Variants in ASCC3 observed in about 807,000 individuals in gnomAD.
ASCC3 encodes ASC-1 complex subunit P200.
In ASCC3, 158 loss-of-function variants were observed where a neutral mutation model predicts 256.3. That is an observed-to-expected ratio of 0.62 (90% CI 0.54 to 0.70). The LOEUF is 0.70. Ranked by LOEUF, ASCC3 falls within the 30% of genes least tolerant of loss-of-function variation. The probability of loss-of-function intolerance (pLI) is 0.00; values close to 1 mark genes in which losing one functional copy is unlikely to be tolerated. For missense variants in ASCC3, 2,259 were observed against 2,626.0 expected (o/e 0.86, Z 3.05); for synonymous variants, 948 against 883.4 (o/e 1.07, Z -1.30).
chr6:100,839,284 A>G (rs1769499974), intron 4 of ASCC3, among the ~76,000 whole-genome samples: 1 of 152,260 alleles, frequency 6.6e-6, no homozygotes, highest in East Asian at 1.9e-4. Flanking sequence ...TATGTCCCCA[A>G]ACTTAAAAGT....
chr6:100,680,681 A>G (rs185550252), intron 13 of ASCC3, among the ~76,000 whole-genome samples: 190 of 152,330 alleles, frequency 1.2e-3, no homozygotes, highest in African/African-American at 4.5e-3. Flanking sequence ...CTTAAAGACA[A>G]GTTCCCCTAG....
intron 12 of ASCC3, among the ~76,000 whole-genome samples, chr6:100,717,269 T>C (rs1779129468): frequency 6.6e-6 from 1 of 151,986 alleles, no homozygotes; most frequent in Non-Finnish European, 1.5e-5. Context: ...ATTTTACTAA[T>C]GAAATTGTTT....
chr6:100,709,962 C>G (rs776912168), intron 13 of ASCC3, among the ~76,000 whole-genome samples: 2 of 152,072 alleles, frequency 1.3e-5, no homozygotes, highest in Non-Finnish European at 2.9e-5. Context: ...CCCACTCTTA[C>G]GGAAAACGAA....
intron 32 of ASCC3, among the ~76,000 whole-genome samples, chr6:100,605,953 T>C (rs1772863297): frequency 6.6e-6 from 1 of 152,036 alleles, no homozygotes. Context: ...TTAACATTTA[T>C]AGATGTAAGA....
chr6:100,808,270 T>C (rs1770287800), intron 4 of ASCC3, among the ~76,000 whole-genome samples: 1 of 130,244 alleles, frequency 7.7e-6, no homozygotes, highest in Admixed American at 7.8e-5. Flanking sequence ...TATGATGTTA[T>C]AAAATTATAC....
Position 100,615,557 on chromosome 6 carries a change from TA to T in ASCC3, c.4786-8470del, listed in dbSNP as rs372637520. Among the ~76,000 whole-genome samples the T allele has an allele frequency of 2.6e-4, 40 of 152,310 alleles. No homozygotes were observed. The East Asian group carries it at 7.7e-3, about 29-fold the overall frequency. On this transcript the variant is annotated intron_variant, in intron 30 of 41. Transcript: ENST00000369162. Reference sequence around the variant, plus strand: ...AAAACTACCCTTTGAGAATTCATGATAAAATGTGATAATATAAACTTTAATG... The same window carrying T: ...AAAACTACCCTTTGAGAATTCATGATAAATGTGATAATATAAACTTTAATG...
intron 8 of ASCC3, among the ~76,000 whole-genome samples, chr6:100,776,833 G>C (rs538862664): frequency 6.6e-6 from 1 of 151,948 alleles, no homozygotes; most frequent in Non-Finnish European, 1.5e-5. Context: ...AATATCATAA[G>C]CTTAAGTTTA....
chr6:100,540,567 C>T (rs780166594), intron 36 of ASCC3, among the ~76,000 whole-genome samples, 180 bp from the exon 37 acceptor site: 8 of 152,038 alleles, frequency 5.3e-5, no homozygotes, highest in African/African-American at 1.2e-4. Flanking sequence ...TAGTGAATAA[C>T]GTACAATCTG....
In ASCC3 at chr6:100,758,089, A is replaced by G. The variant is rs527585391; in HGVS notation, c.1737+8476T>C. Among the ~76,000 whole-genome samples the G allele has an allele frequency of 1.3e-3, 196 of 152,258 alleles. 1 individual carries two copies. The highest frequency in any genetic ancestry group is 3.4e-3 in the Middle Eastern group (1 of 294). On this transcript the variant is annotated intron_variant, in intron 10 of 41. Coordinates refer to ENST00000369162, the MANE Select transcript of ASCC3 (RefSeq NM_006828.4). The stretch of plus-strand genomic sequence containing the variant: ...GGAGATTTAAATAGGAAGCCCTCTG[A>G]TATCATAATACTCAAAAAGTCCAGG...
At chr6:100,561,267 CT>C (rs1342658802) in intron 36 of ASCC3, among the ~76,000 whole-genome samples, 1 of 152,042 alleles carries the variant, frequency 6.6e-6, no homozygotes, top group Non-Finnish European at 1.5e-5. Flanking sequence ...AGCCTCAGGA[CT>C]TTTAAAGAGC....
chr6:100,511,867 T>C (rs1433197552), intron 40 of ASCC3, among the ~76,000 whole-genome samples: 1 of 152,130 alleles, frequency 6.6e-6, no homozygotes, highest in Non-Finnish European at 1.5e-5. Context: ...TTACTGATCA[T>C]TTTGTGTGTG....
Position 100,581,865 on chromosome 6 carries a change from C to G in ASCC3, c.5550+7769G>C, listed in dbSNP as rs1481089960. On this transcript the variant is annotated intron_variant, in intron 36 of 41. Coordinates refer to ENST00000369162, the MANE Select transcript of ASCC3 (RefSeq NM_006828.4). ...AATCCTTTCCCCATTGCTTGTTTTT[C>G]TCAGGTTTGTCAAAGATCAGATAGT... Among the ~76,000 whole-genome samples, 226 of 150,466 alleles carry G rather than the reference C, an allele frequency of 1.5e-3. 2 individuals are homozygous for G. Among genetic ancestry groups the G allele is most frequent in the African/African-American group, 5.2e-3 (212 of 41,090 alleles).
At chr6:100,859,297 TTC>T (rs1424261069) in intron 3 of ASCC3, 2 of 773,346 alleles carry the variant, frequency 2.6e-6, no homozygotes, top group Non-Finnish European at 4.8e-6. Context: ...CTTTGATAAC[TTC>T]TCTGATATAG....
intron 5 of ASCC3, among the ~76,000 whole-genome samples, chr6:100,801,604 G>A (rs1769919329): frequency 6.6e-6 from 1 of 151,568 alleles, no homozygotes; most frequent in Non-Finnish European, 1.5e-5. Flanking sequence ...GCTTTATAAG[G>A]CCTAAAAAGG....
chr6:100,636,181 T>C (rs1315830418), intron 25 of ASCC3, among the ~76,000 whole-genome samples: 1 of 152,240 alleles, frequency 6.6e-6, no homozygotes, highest in African/African-American at 2.4e-5. Context: ...CGAGCAATTC[T>C]ATCAAAAGCA....
Position 100,540,383 on chromosome 6 carries a change from G to C in ASCC3, c.5555C>G (p.Ala1852Gly). ...TEELLSILSD[A>G]EEYTDLPVRH... is the part of the protein sequence containing the mutation. ...CACTGGCAAATCTGTATATTCTTCT[G>C]CATCCTGAAAAAAAAAAAAAGCCCC... The change falls in exon 37 of 42, where the codon GCA becomes GGA. Residue 1852 changes from alanine to glycine, a missense_variant. Physicochemically the swap from Ala to Gly is moderately conservative, Grantham distance 60. Coordinates refer to ENST00000369162, the MANE Select transcript of ASCC3 (RefSeq NM_006828.4). 6.2e-7 allele frequency: 1 copy of C among 1,601,994 alleles called. No homozygotes were observed. The highest frequency in any genetic ancestry group is 8.5e-7 in the Non-Finnish European group (1 of 1,174,252).
chr6:100,597,161 C>T (rs1224221216), intron 34 of ASCC3, among the ~76,000 whole-genome samples: 2 of 152,134 alleles, frequency 1.3e-5, no homozygotes, highest in Non-Finnish European at 2.9e-5. Context: ...CCCATCTCCC[C>T]CCAGGCCGCC....
intron 16 of ASCC3, among the ~76,000 whole-genome samples, chr6:100,657,513 T>C (rs1294973475): frequency 1.3e-5 from 2 of 151,524 alleles, no homozygotes; most frequent in Non-Finnish European, 3.0e-5. Context: ...ACCATAGACA[T>C]ATGACCTATA....
intron 40 of ASCC3, 99 bp downstream of exon 40, chr6:100,512,610 A>G: frequency 8.0e-7 from 1 of 1,255,890 alleles, no homozygotes; most frequent in Non-Finnish European, 1.2e-6. Flanking sequence ...AGCAGGATTC[A>G]TGAATGACAC....
Sources: gnomAD v4.1 joint callset for allele counts (sites outside exome capture counted in the v4.1 genomes callset) on GRCh38, gnomAD v4.1.1 for gene constraint, MANE v1.5 for transcripts, NCBI Gene and HGNC (gene_info 2026-07-23, HGNC 2026-07-21) for gene names.